Variants in SLCO5A1 observed in about 807,000 individuals in gnomAD.
SLCO5A1 encodes the protein solute carrier organic anion transporter family member 5A1, also known as organic anion transporter polypeptide-related protein 4.
In SLCO5A1, 39 loss-of-function variants were observed where a neutral mutation model predicts 65.1. That is an observed-to-expected ratio of 0.60 (90% CI 0.46 to 0.78). The LOEUF is 0.78. SLCO5A1 is among the 30% of genes least tolerant of loss of function. The probability of loss-of-function intolerance (pLI) is 0.00; values close to 1 mark genes in which losing one functional copy is unlikely to be tolerated. For synonymous variants in SLCO5A1, 438 were observed against 415.7 expected (o/e 1.05, Z -0.65); for missense variants, 1,029 against 1,069.4 (o/e 0.96, Z 0.53).
chr8:69,679,012 T>C (rs1422166187), intron 8 of SLCO5A1, among the ~76,000 whole-genome samples: 2 of 152,194 alleles, frequency 1.3e-5, no homozygotes, highest in African/African-American at 2.4e-5. Context: ...CTCAAATTAC[T>C]TCCTGCCCTC....
chr8:69,783,551 T>C (rs1332912294), intron 2 of SLCO5A1, among the ~76,000 whole-genome samples: 1 of 152,038 alleles, frequency 6.6e-6, no homozygotes, highest in African/African-American at 2.4e-5. Flanking sequence ...AAAGGTATCT[T>C]CATAAAAGGA....
chr8:69,833,290 T>G (rs2130933010), intron 1 of SLCO5A1, 121 bp from the exon 2 acceptor site: 1 of 152,368 alleles, frequency 6.6e-6, no homozygotes, highest in East Asian at 1.9e-4. Context: ...GAGGAGCTAG[T>G]CAGGAGCGGA....
At chr8:69,690,097 C>T (rs1431920794) in intron 6 of SLCO5A1, among the ~76,000 whole-genome samples, 6 of 152,250 alleles carry the variant, frequency 3.9e-5, no homozygotes, top group Non-Finnish European at 5.9e-5. Context: ...CCTCTCATGT[C>T]TCTTCACCAT....
chr8:69,769,067 G>T (rs764067817), intron 2 of SLCO5A1, among the ~76,000 whole-genome samples: 1 of 152,160 alleles, frequency 6.6e-6, no homozygotes, highest in South Asian at 2.1e-4. Flanking sequence ...TGTGCTGGTC[G>T]CATGGTCATT....
intron 9 of SLCO5A1, among the ~76,000 whole-genome samples, chr8:69,673,702 G>A (rs1813431040): frequency 6.6e-6 from 1 of 152,098 alleles, no homozygotes; most frequent in Non-Finnish European, 1.5e-5. Flanking sequence ...ATTGGATTTT[G>A]TCATTAAGTA....
Position 69,682,826 on chromosome 8 carries a change from G to A in SLCO5A1, c.1623-483C>T, listed in dbSNP as rs535652847. Among the ~76,000 whole-genome samples, 348 of 152,126 alleles carry A rather than the reference G, an allele frequency of 2.3e-3. 2 individuals carry two copies. Among genetic ancestry groups the A allele is most frequent in the African/African-American group, 8.1e-3 (337 of 41,490 alleles). On this transcript the variant is annotated intron_variant, in intron 6 of 9. Transcript: ENST00000260126. ...CCCAGTTATTAATATACGTTCCTTC[G>A]ACCAAAAACTTGTATTCTAGAATAA...
intron 7 of SLCO5A1, among the ~76,000 whole-genome samples, chr8:69,680,574 G>C (rs1813727299): frequency 6.6e-6 from 1 of 152,084 alleles, no homozygotes; most frequent in Non-Finnish European, 1.5e-5. Flanking sequence ...TTACTATTGT[G>C]AACAGTGCTG....
Position 69,675,312 on chromosome 8 carries a change from T to C in SLCO5A1, c.2089+1297A>G, listed in dbSNP as rs1813505450. 2.0e-5 allele frequency among the ~76,000 whole-genome samples: 3 copies of C among 151,634 alleles called. No homozygotes were observed. In the South Asian group the frequency reaches 6.3e-4, roughly 32 times the overall value. ...GCCTTAGCCTCCTGAGTAGTTGGGA[T>C]TACAGGTAGGCACCACCACACCCAG... On this transcript the variant is annotated intron_variant, in intron 9 of 9. Coordinates refer to ENST00000260126, the MANE Select transcript of SLCO5A1 (RefSeq NM_030958.3).
intron 5 of SLCO5A1, among the ~76,000 whole-genome samples, chr8:69,728,696 A>G (rs1158127897): frequency 6.9e-6 from 1 of 145,302 alleles, no homozygotes; most frequent in Non-Finnish European, 1.5e-5. Flanking sequence ...ATTATTATAC[A>G]TACATACAAA....
chr8:69,816,451 C>T (rs1022401421), intron 2 of SLCO5A1, among the ~76,000 whole-genome samples: 5 of 152,258 alleles, frequency 3.3e-5, no homozygotes, highest in South Asian at 2.1e-4. Context: ...AGAGGGGGAT[C>T]GGGCAGCTGT....
At position 69,677,698 on chromosome 8, in the gene SLCO5A1, G is replaced by A. The variant is rs139817852; in HGVS notation, c.2025-1025C>T. On this transcript the variant is annotated intron_variant, in intron 8 of 9. Coordinates refer to ENST00000260126, the MANE Select transcript of SLCO5A1 (RefSeq NM_030958.3). ...GCCTTTCATGCACTACTATCTGGCT[G>A]TCAAGGAACAGCTTTGCTGGGAAAT... Among the ~76,000 whole-genome samples the A allele has an allele frequency of 9.8e-3, 1,493 of 152,342 alleles. 22 individuals carry two copies. Among genetic ancestry groups the A allele is most frequent in the African/African-American group, 0.034 (1,405 of 41,572 alleles).
At chr8:69,800,043 T>C (rs1040566483) in intron 2 of SLCO5A1, among the ~76,000 whole-genome samples, 4 of 152,170 alleles carry the variant, frequency 2.6e-5, no homozygotes, top group African/African-American at 9.7e-5. Flanking sequence ...AAACTAAAGT[T>C]TACTGAAAGA....
chr8:69,823,230 C>G (rs991341276), intron 2 of SLCO5A1, among the ~76,000 whole-genome samples: 1 of 152,100 alleles, frequency 6.6e-6, no homozygotes, highest in Non-Finnish European at 1.5e-5. Context: ...GCAAAATAAT[C>G]AGCTAACATC....
intron 2 of SLCO5A1, among the ~76,000 whole-genome samples, chr8:69,797,352 C>T (rs985298438): frequency 1.1e-4 from 17 of 152,186 alleles, no homozygotes; most frequent in South Asian, 2.1e-4. Context: ...ATGATGATTG[C>T]GTTAACTGCA....
At chr8:69,744,472 C>T (rs1229346512) in intron 4 of SLCO5A1, among the ~76,000 whole-genome samples, 1 of 152,260 alleles carries the variant, frequency 6.6e-6, no homozygotes, top group Non-Finnish European at 1.5e-5. Context: ...GAAGCATCCA[C>T]AGCTTCTCTA....
chr8:69,753,446 C>T (rs1313509880), intron 4 of SLCO5A1, among the ~76,000 whole-genome samples: 1 of 152,178 alleles, frequency 6.6e-6, no homozygotes, highest in Admixed American at 6.5e-5. Context: ...GTTGGTGGAC[C>T]TCTGCCATGA....
chr8:69,747,925 G>A (rs1310931802), intron 4 of SLCO5A1, among the ~76,000 whole-genome samples: 1 of 151,992 alleles, frequency 6.6e-6, no homozygotes, highest in African/African-American at 2.4e-5. Context: ...TTTTAGTCAG[G>A]GTTTTCTGTA....
At chr8:69,704,104 T>C (rs1373995094) in intron 6 of SLCO5A1, among the ~76,000 whole-genome samples, 1 of 152,196 alleles carries the variant, frequency 6.6e-6, no homozygotes, top group Non-Finnish European at 1.5e-5. Context: ...TACCACTATG[T>C]TGCGCAGGCT....
chr8:69,797,627 G>A lies in SLCO5A1; in HGVS notation c.907+34140C>T, dbSNP rs530009050. Among the ~76,000 whole-genome samples the A allele has an allele frequency of 3.0e-4, 46 of 152,322 alleles. No individual in the cohort carries two copies. In the South Asian group the frequency reaches 5.8e-3, roughly 19 times the overall value. ...GCCTCTAAAATGGCCACTTCGTGGC[G>A]GGGGGTGGCCGTCTTTTATGGTCGA... On this transcript the variant is annotated intron_variant, in intron 2 of 9. Coordinates refer to ENST00000260126, the MANE Select transcript of SLCO5A1 (RefSeq NM_030958.3).
Sources: allele counts gnomAD v4.1 joint callset (sites outside exome capture counted in the v4.1 genomes callset), GRCh38; gene constraint gnomAD v4.1.1; transcripts MANE v1.5; gene names NCBI Gene and HGNC (gene_info 2026-07-23, HGNC 2026-07-21).